The following CBLB variants were observed in gnomAD, a reference collection of about 807,000 sequenced individuals.
CBLB encodes Cbl proto-oncogene B, also known as E3 ubiquitin-protein ligase CBL-B.
Under a neutral mutation model 104.9 loss-of-function variants are expected in CBLB, and 31 were observed. The observed-to-expected ratio is 0.30, with a 90% CI of 0.22 to 0.40. The LOEUF (loss-of-function observed/expected upper bound fraction) is 0.40, where lower values mean the gene tolerates loss of function less well. Among genes scored for constraint, CBLB ranks in the 10% least tolerant of loss-of-function variants. CBLB has a pLI of 1.00. For synonymous variants in CBLB, 440 were observed against 422.6 expected (o/e 1.04, Z -0.51); for missense variants, 1,062 against 1,214.6 (o/e 0.87, Z 1.87).
intron 17 of CBLB, chr3:105,672,347 TTC>T: frequency 5.6e-6 from 1 of 179,658 alleles, no homozygotes; most frequent in Non-Finnish European, 1.2e-5. Context: ...CTGCTTATGG[TTC>T]TGTTTTGAAT....
chr3:105,701,094 C>A (rs1200971138), intron 12 of CBLB, among the ~76,000 whole-genome samples: 1 of 152,154 alleles, frequency 6.6e-6, no homozygotes, highest in Non-Finnish European at 1.5e-5. Flanking sequence ...GAACCAAATA[C>A]CAGAAATTAT....
At chr3:105,829,530 G>A (rs2087106342) in intron 3 of CBLB, among the ~76,000 whole-genome samples, 1 of 151,918 alleles carries the variant, frequency 6.6e-6, no homozygotes, top group South Asian at 2.1e-4. Context: ...ATAGTGGCAT[G>A]TACCTGTAGT....
At chr3:105,676,520 T>C (rs894883611) in intron 17 of CBLB, among the ~76,000 whole-genome samples, 8 of 152,110 alleles carry the variant, frequency 5.3e-5, no homozygotes, top group Admixed American at 3.3e-4. Context: ...TAAAAGGTAA[T>C]AGGAGAGCCA....
intron 4 of CBLB, among the ~76,000 whole-genome samples, chr3:105,773,694 G>T (rs373109061): frequency 4.6e-5 from 7 of 152,150 alleles, no homozygotes; most frequent in Admixed American, 4.6e-4. Context: ...ATTCAGTTTA[G>T]TATTGGTCTC....
intron 10 of CBLB, among the ~76,000 whole-genome samples, chr3:105,715,189 T>A (rs1306206212): frequency 6.6e-6 from 1 of 152,200 alleles, no homozygotes; most frequent in African/African-American, 2.4e-5. Flanking sequence ...GAGAGAAGGC[T>A]GTGATCTTAC....
rs116034415 is a variant in CBLB, at chr3:105,659,039, G to A, written c.2880C>T (p.Val960=). The A allele has an allele frequency of 1.3e-4, 217 of 1,613,930 alleles. No individual in the cohort carries two copies. In the African/African-American group the frequency reaches 2.4e-3, roughly 18 times the overall value. ...CTCGGAGGATGCTCCGGGCAACTTC[G>A]ACATTATTCTGGGCTATCTCTAAGG... ...KRALEIAQNN[V]EVARSILREF... The change falls in exon 19 of 19, where the codon GTC becomes GTT. Residue 960 remains valine, a synonymous_variant. Transcript: ENST00000394030.
chr3:105,665,592 A>G (rs1413912858), intron 18 of CBLB, among the ~76,000 whole-genome samples: 1 of 147,586 alleles, frequency 6.8e-6, no homozygotes, highest in Admixed American at 6.8e-5. Flanking sequence ...ATATATTTGT[A>G]TAACAATATC....
chr3:105,763,556 G>A (rs1215362059), intron 4 of CBLB, among the ~76,000 whole-genome samples: 7 of 152,086 alleles, frequency 4.6e-5, no homozygotes, highest in African/African-American at 7.2e-5. Context: ...AGTGCCTTTC[G>A]CCTTCCACCA....
intron 9 of CBLB, 36 bp from the exon 10 acceptor site, chr3:105,720,286 C>A (rs1369538212): frequency 6.5e-7 from 1 of 1,543,562 alleles, no homozygotes; most frequent in South Asian, 1.1e-5. Flanking sequence ...TGGTTTTGTT[C>A]AAAATAAACA....
At chr3:105,834,012 AAT>A (rs1376149692) in intron 3 of CBLB, among the ~76,000 whole-genome samples, 1 of 151,832 alleles carries the variant, frequency 6.6e-6, no homozygotes, top group Non-Finnish European at 1.5e-5. Context: ...TTTTACTATT[AAT>A]ATATTTTTTA....
intron 10 of CBLB, among the ~76,000 whole-genome samples, chr3:105,714,514 C>T (rs533788466): frequency 7.2e-5 from 11 of 152,246 alleles, no homozygotes; most frequent in African/African-American, 1.2e-4. Context: ...TCCTAATAAG[C>T]GCACAACCTA....
intron 10 of CBLB, among the ~76,000 whole-genome samples, chr3:105,708,375 G>C (rs891594903): frequency 1.3e-5 from 2 of 151,978 alleles, no homozygotes; most frequent in Non-Finnish European, 2.9e-5. Flanking sequence ...TAAAAATGCA[G>C]ACCAAATACA....
At position 105,855,135 on chromosome 3, in the gene CBLB, T is replaced by C. The variant is rs1365462377; in HGVS notation, c.169-1471A>G. Among the ~76,000 whole-genome samples the C allele has an allele frequency of 5.3e-5, 8 of 152,208 alleles. No individual in the cohort carries two copies. The East Asian group carries it at 1.2e-3, about 22-fold the overall frequency. ...GTCAGCAATCCCAATGAAACTGAAA[T>C]AAGGCAGGCAAAGAAAGAATATACT... On this transcript the variant is annotated intron_variant, in intron 2 of 18. Transcript: ENST00000394030.
intron 14 of CBLB, among the ~76,000 whole-genome samples, chr3:105,684,426 A>G (rs1448283367): frequency 6.6e-6 from 1 of 152,238 alleles, no homozygotes; most frequent in Non-Finnish European, 1.5e-5. Context: ...TAATATTTCA[A>G]TACAAACAAC....
chr3:105,866,265 A>C (rs2092421245), intron 2 of CBLB, among the ~76,000 whole-genome samples: 1 of 152,210 alleles, frequency 6.6e-6, no homozygotes, highest in African/African-American at 2.4e-5. Context: ...AATAATGGAA[A>C]TCTTGTCACA....
At chr3:105,684,792 C>G (rs367910625) in intron 14 of CBLB, among the ~76,000 whole-genome samples, 14 of 152,178 alleles carry the variant, frequency 9.2e-5, no homozygotes, top group African/African-American at 3.4e-4. Context: ...ACCTCATGAT[C>G]TGCCCGCCTC....
intron 4 of CBLB, among the ~76,000 whole-genome samples, chr3:105,775,542 C>T (rs2079358862): frequency 6.6e-6 from 1 of 152,142 alleles, no homozygotes; most frequent in Non-Finnish European, 1.5e-5. Context: ...CACACTTCCT[C>T]CTTACTTACT....
intron 1 of CBLB, chr3:105,868,282 G>C (rs924574519): frequency 1.7e-6 from 2 of 1,179,972 alleles, no homozygotes; most frequent in Admixed American, 8.4e-5. Context: ...GCCACGGAAA[G>C]GAGGAGTTCA....
chr3:105,701,151 G>T (rs2069042292), intron 12 of CBLB, among the ~76,000 whole-genome samples: 1 of 152,134 alleles, frequency 6.6e-6, no homozygotes, highest in African/African-American at 2.4e-5. Flanking sequence ...TAAAGTAAAT[G>T]ATTTCTGCTG....
Sources: gnomAD v4.1 joint callset for allele counts (sites outside exome capture counted in the v4.1 genomes callset) on GRCh38, gnomAD v4.1.1 for gene constraint, MANE v1.5 for transcripts, NCBI Gene and HGNC (gene_info 2026-07-23, HGNC 2026-07-21) for gene names.